The following CREB5 variants were observed in gnomAD, a reference collection of about 807,000 sequenced individuals.
CREB5 encodes the protein cAMP responsive element binding protein 5.
A neutral mutation model predicts 57.1 loss-of-function variants in CREB5; 19 were observed. The ratio of observed to expected loss-of-function variants is 0.33; its 90% CI spans 0.23 to 0.49. The LOEUF (loss-of-function observed/expected upper bound fraction) is 0.49. CREB5 is among the 20% of genes least tolerant of loss of function. The pLI is 0.99. For synonymous variants in CREB5, 238 were observed against 238.3 expected, an observed-to-expected ratio of 1.00 and a Z score of 0.01; for missense variants, 579 against 671.6, an observed-to-expected ratio of 0.86 and a Z score of 1.52.
At chr7:28,424,052 T>C (rs576392262) in intron 1 of CREB5, among the ~76,000 whole-genome samples, 18 of 152,304 alleles carry the variant, frequency 1.2e-4, no homozygotes, top group Admixed American at 5.2e-4. Context: ...TGAGGAAGAA[T>C]CTGTTCCAGG....
chr7:28,681,135 A>G (rs1054949787), intron 5 of CREB5, among the ~76,000 whole-genome samples: 1 of 152,128 alleles, frequency 6.6e-6, no homozygotes, highest in Non-Finnish European at 1.5e-5. Flanking sequence ...CCAGGGAGAA[A>G]AGGTATAGTG....
intron 5 of CREB5, among the ~76,000 whole-genome samples, chr7:28,657,142 C>G (rs1268140035): frequency 6.6e-6 from 1 of 152,174 alleles, no homozygotes; most frequent in Non-Finnish European, 1.5e-5. Flanking sequence ...TTACCCTCAC[C>G]TGCCATACTG....
In CREB5 at chr7:28,616,633, T is replaced by C. The variant is rs41284; in HGVS notation, c.464+46096T>C. ...GGACAAGCTGTATAATTTCTCAGAG[T>C]TAGTGGACTCCAGGCTTCTATCTGC... On this transcript the variant is annotated intron_variant, in intron 5 of 10. Coordinates refer to ENST00000357727, the MANE Select transcript of CREB5 (RefSeq NM_182898.4). 3.3e-3 allele frequency among the ~76,000 whole-genome samples: 508 copies of C among 152,164 alleles called. 1 individual carries two copies. Among genetic ancestry groups the C allele is most frequent in the African/African-American group, 0.012 (491 of 41,532 alleles).
At position 28,824,721 on chromosome 7, in the gene CREB5, G is replaced by C. The variant is rs1809970627; in HGVS notation, c.*5442G>C. 1 of 152,574 alleles carries C rather than the reference G, an allele frequency of 6.6e-6. No homozygotes were observed. The highest frequency in any genetic ancestry group is 1.9e-4 in the East Asian group (1 of 5,200). 9.5% of individuals were successfully genotyped at this position (152,574 alleles called of 1,614,324 possible). A position where few individuals can be genotyped will look rare whatever the true frequency, so the allele number is the denominator to read the frequency against. On this transcript the variant is annotated 3_prime_UTR_variant, in exon 11 of 11. Coordinates refer to ENST00000357727, the MANE Select transcript of CREB5 (RefSeq NM_182898.4). ...GTGATGTAATGCTTGTAGCCAAATTGCTTAAAGAGTGTTTATATATTTTTT... is the reference window on the plus strand; with the variant it reads ...GTGATGTAATGCTTGTAGCCAAATTCCTTAAAGAGTGTTTATATATTTTTT...
At chr7:28,346,934 T>A (rs1404770254) in intron 1 of CREB5, among the ~76,000 whole-genome samples, 1 of 152,092 alleles carries the variant, frequency 6.6e-6, no homozygotes, top group East Asian at 1.9e-4. Context: ...TAATATTATA[T>A]TAAGTACCAC....
intron 1 of CREB5, among the ~76,000 whole-genome samples, chr7:28,442,137 T>C (rs1467772503): frequency 6.6e-6 from 1 of 152,106 alleles, no homozygotes; most frequent in Non-Finnish European, 1.5e-5. Flanking sequence ...TCTACTTCCA[T>C]GAGATTAAAC....
Position 28,819,733 on chromosome 7 carries a change from G to T in CREB5, c.*454G>T. 6.5e-6 allele frequency: 1 copy of T among 153,756 alleles called. No homozygotes were observed. The highest frequency in any genetic ancestry group is 1.5e-5 in the Non-Finnish European group (1 of 68,796). The allele number at this position is 153,756 out of a possible 1,614,324, so 9.5% of individuals were successfully genotyped here. ...TAACTCATGTTGAGTTTGTGCTGTG[G>T]TGTCACCAGAATTCCAGATAAACAC... On this transcript the variant is annotated 3_prime_UTR_variant, in exon 11 of 11. Coordinates refer to ENST00000357727, the MANE Select transcript of CREB5 (RefSeq NM_182898.4).
intron 1 of CREB5, among the ~76,000 whole-genome samples, chr7:28,486,349 GT>G (rs2128592609): frequency 6.6e-6 from 1 of 151,994 alleles, no homozygotes. Context: ...AGTATAATTG[GT>G]TTTGGTTGAA....
In CREB5 at chr7:28,689,909, G is replaced by GGTGGGT. The variant is rs1554286213; in HGVS notation, c.465-28841_465-28840insGGTGTG. Among the ~76,000 whole-genome samples, 6 of 141,670 alleles carry GGTGGGT rather than the reference G, an allele frequency of 4.2e-5. No homozygotes were observed. In the East Asian group the frequency reaches 1.3e-3, roughly 31 times the overall value. The allele number at this position is 141,670 out of a possible 152,430, so 92.9% of individuals were successfully genotyped here. On this transcript the variant is annotated intron_variant, in intron 5 of 10. Coordinates refer to ENST00000357727, the MANE Select transcript of CREB5 (RefSeq NM_182898.4). ...GAATTCTCCCATTTTACTTGTATTTGGTGTGTGTGTGTGTGTGTGTGTGTG... is the reference window on the plus strand; with the variant it reads ...GAATTCTCCCATTTTACTTGTATTTGGTGGGTGTGTGTGTGTGTGTGTGTGTGTGTG...
At chr7:28,806,398 C>T (rs1425333854) in intron 8 of CREB5, among the ~76,000 whole-genome samples, 1 of 152,076 alleles carries the variant, frequency 6.6e-6, no homozygotes, top group East Asian at 1.9e-4. Flanking sequence ...TTACTGAGAT[C>T]TTGCCATTTT....
chr7:28,332,816 G>C (rs910721384), intron 1 of CREB5, among the ~76,000 whole-genome samples: 1 of 152,000 alleles, frequency 6.6e-6, no homozygotes, highest in African/African-American at 2.4e-5. Flanking sequence ...CATTTTACTA[G>C]CTACCTGGTT....
At chr7:28,619,617 G>A (rs1459633351) in intron 5 of CREB5, among the ~76,000 whole-genome samples, 1 of 152,142 alleles carries the variant, frequency 6.6e-6, no homozygotes, top group Non-Finnish European at 1.5e-5. Flanking sequence ...GATCACTTGA[G>A]GCCAGGAGTT....
At chr7:28,733,442 C>CGG (rs1367627332) in intron 7 of CREB5, among the ~76,000 whole-genome samples, 1 of 152,178 alleles carries the variant, frequency 6.6e-6, no homozygotes, top group Non-Finnish European at 1.5e-5. Context: ...CTCAGGAGCC[C>CGG]GGCATTTTCC....
chr7:28,538,454 T>G (rs1450062113), intron 4 of CREB5, among the ~76,000 whole-genome samples: 1 of 152,252 alleles, frequency 6.6e-6, no homozygotes. Flanking sequence ...CTATGTCCCC[T>G]ATTTTATTCC....
At chr7:28,507,947 A>AT (rs1255031455) in intron 4 of CREB5, among the ~76,000 whole-genome samples, 3 of 152,158 alleles carry the variant, frequency 2.0e-5, no homozygotes, top group South Asian at 2.1e-4. Flanking sequence ...AAACTTACAG[A>AT]TTTTTTCTAT....
chr7:28,735,567 A>G (rs1178746393), intron 7 of CREB5, among the ~76,000 whole-genome samples: 1 of 152,198 alleles, frequency 6.6e-6, no homozygotes. Context: ...CAGAAAATAT[A>G]AGGAGTGTAA....
chr7:28,401,053 C>G (rs1366924289), intron 1 of CREB5, among the ~76,000 whole-genome samples: 1 of 152,140 alleles, frequency 6.6e-6, no homozygotes, highest in East Asian at 1.9e-4. Context: ...CACTATTATT[C>G]TGGGTCATTA....
At chr7:28,673,645 TTCTC>T (rs1242985320) in intron 5 of CREB5, among the ~76,000 whole-genome samples, 1 of 146,282 alleles carries the variant, frequency 6.8e-6, no homozygotes, top group African/African-American at 2.6e-5. Context: ...GACATGAAGT[TTCTC>T]TCTCTCTCTT....
rs780674601 is a variant in CREB5, at chr7:28,804,353, C to T, written c.857C>T (p.Pro286Leu). 6.2e-7 allele frequency: 1 copy of T among 1,613,602 alleles called. No homozygotes were observed. Among genetic ancestry groups the T allele is most frequent in the Admixed American group, 1.7e-5 (1 of 59,906 alleles). The change falls in exon 8 of 11, where the codon CCC (proline) becomes CTC (leucine). Residue 286 changes from proline to leucine, a missense_variant. This residue lies in a region of CREB5 where 459 missense variants were observed against 515.7 expected (regional missense o/e 0.89). Transcript: ENST00000357727. ...SHPHQHQTLP[P>L]HHPYPHQHQH... is the part of the protein sequence containing the mutation. ...CCGCATCAGCACCAGACACTGCCACCCCATCACCCTTACCCACACCAGCAC... is the reference window on the plus strand; with the variant it reads ...CCGCATCAGCACCAGACACTGCCACTCCATCACCCTTACCCACACCAGCAC...
Sources: allele counts gnomAD v4.1 joint callset (sites outside exome capture counted in the v4.1 genomes callset), GRCh38; gene constraint gnomAD v4.1.1; regional missense constraint gnomAD v4.1.1; transcripts MANE v1.5; gene names NCBI Gene and HGNC (gene_info 2026-07-23, HGNC 2026-07-21).